The following ROBO2 variants were observed in gnomAD, a reference collection of about 807,000 sequenced individuals.
ROBO2 encodes roundabout guidance receptor 2, also known as roundabout homolog 2.
ROBO2 carries 53 observed loss-of-function variants against 160.8 expected under a neutral mutation model. The observed-to-expected ratio is 0.33, with a 90% CI of 0.26 to 0.41. The LOEUF is 0.41. Ranked by LOEUF, ROBO2 falls within the 10% of genes least tolerant of loss-of-function variation. The pLI is 1.00. For synonymous variants in ROBO2, 664 were observed against 611.7 expected, an observed-to-expected ratio of 1.09 and a Z score of -1.26; for missense variants, 1,577 against 1,722.4, an observed-to-expected ratio of 0.92 and a Z score of 1.49.
At chr3:76,500,989 G>A (rs1288735466) in intron 2 of ROBO2, among the ~76,000 whole-genome samples, 1 of 152,114 alleles carries the variant, frequency 6.6e-6, no homozygotes, top group Non-Finnish European at 1.5e-5. Flanking sequence ...GCTTGACACT[G>A]TAGGGAGGGC....
chr3:77,619,571 G>A (rs556901624), intron 22 of ROBO2, among the ~76,000 whole-genome samples: 179 of 152,272 alleles, frequency 1.2e-3, no homozygotes, highest in African/African-American at 4.0e-3. Flanking sequence ...TTGCCAGCCA[G>A]GGATGGGCAC....
chr3:77,648,845 CAG>C (rs1366542319), exon 26 of ROBO2: 5 of 152,118 alleles, frequency 3.3e-5, no homozygotes, highest in African/African-American at 1.2e-4. Context: ...CTCACTCTTG[CAG>C]GTTTAAATGG....
chr3:77,403,619 T>TGTGTGTGTA (rs1491148217), intron 2 of ROBO2, among the ~76,000 whole-genome samples: 36 of 27,198 alleles, frequency 1.3e-3, no homozygotes, highest in African/African-American at 5.1e-3. Context: ...TGTGTGTGTA[T>TGTGTGTGTA]TTTTTTTTTT....
At chr3:76,000,581 C>T (rs528501286) in intron 2 of ROBO2, among the ~76,000 whole-genome samples, 127 of 149,696 alleles carry the variant, frequency 8.5e-4, no homozygotes, top group Non-Finnish European at 1.6e-3. Flanking sequence ...CTCCGCCTCC[C>T]GGGTTCATGC....
At chr3:76,753,452 A>G (rs1024517704) in intron 2 of ROBO2, among the ~76,000 whole-genome samples, 1 of 151,880 alleles carries the variant, frequency 6.6e-6, no homozygotes, top group Admixed American at 6.6e-5. Context: ...TTTATTTCAA[A>G]CTACAAATAT....
Position 76,483,204 on chromosome 3 carries a change from A to G in ROBO2, c.109+545602A>G, listed in dbSNP as rs2079301441. Among the ~76,000 whole-genome samples, 4 of 152,078 alleles carry G rather than the reference A, an allele frequency of 2.6e-5. No individual in the cohort carries two copies. In the South Asian group the frequency reaches 8.3e-4, roughly 32 times the overall value. On this transcript the variant is annotated intron_variant, in intron 2 of 26. Transcript: ENST00000487694. ...AATTGTTTTTGGAGATATTTTTTCT[A>G]AGAGATATGATACCACTATTTTATT...
chr3:77,356,538 G>T (rs2069157070), intron 2 of ROBO2, among the ~76,000 whole-genome samples: 1 of 152,136 alleles, frequency 6.6e-6, no homozygotes. Flanking sequence ...ACCCATCCCT[G>T]GGTTCATGAC....
chr3:76,346,071 A>G lies in ROBO2; in HGVS notation c.109+408469A>G, dbSNP rs146066469. Among the ~76,000 whole-genome samples the G allele has an allele frequency of 3.7e-3, 559 of 152,232 alleles. 6 individuals carry two copies. The highest frequency in any genetic ancestry group is 0.025 in the Admixed American group (375 of 15,278). Reference sequence around the variant, plus strand: ...GCCAGTTAGCTCCGGCTTTGATCACACAAAAGGGAAAGCACTAAAGATCAG... The same window carrying G: ...GCCAGTTAGCTCCGGCTTTGATCACGCAAAAGGGAAAGCACTAAAGATCAG... On this transcript the variant is annotated intron_variant, in intron 2 of 26. Transcript: ENST00000487694.
At position 76,263,963 on chromosome 3, in the gene ROBO2, A is replaced by G. The variant is rs376279668; in HGVS notation, c.109+326361A>G. Among the ~76,000 whole-genome samples the G allele has an allele frequency of 2.1e-3, 322 of 152,232 alleles. 7 individuals are homozygous for G. In the South Asian group the frequency reaches 0.024, roughly 11 times the overall value. On this transcript the variant is annotated intron_variant, in intron 2 of 26. Transcript: ENST00000487694. ...AAACCATCATTGTCAGCAAACTAAC[A>G]TAGGAACAGAAAACCAAACTCCACA...
intron 6 of ROBO2, among the ~76,000 whole-genome samples, chr3:77,523,903 C>T (rs1442153478): frequency 1.3e-5 from 2 of 151,168 alleles, no homozygotes; most frequent in Non-Finnish European, 3.0e-5. Context: ...CAGCTTTGCT[C>T]CCAAAGAGAT....
intron 2 of ROBO2, among the ~76,000 whole-genome samples, chr3:77,164,643 C>T (rs1401202484): frequency 1.9e-5 from 2 of 105,712 alleles, no homozygotes; most frequent in African/African-American, 3.6e-5. Context: ...CGGCCAGCCG[C>T]CCCGTCCGGG....
At chr3:77,125,604 G>C (rs984885037) in intron 2 of ROBO2, among the ~76,000 whole-genome samples, 1 of 152,096 alleles carries the variant, frequency 6.6e-6, no homozygotes, top group African/African-American at 2.4e-5. Context: ...ATGTCCGCGT[G>C]CCTGATCAAA....
intron 2 of ROBO2, among the ~76,000 whole-genome samples, chr3:75,962,417 G>T (rs1948950500): frequency 6.6e-6 from 1 of 151,806 alleles, no homozygotes; most frequent in Non-Finnish European, 1.5e-5. Flanking sequence ...ATGTGTTCTA[G>T]GTCTGGCTTG....
At chr3:76,170,670 A>T (rs1425040412) in intron 2 of ROBO2, among the ~76,000 whole-genome samples, 1 of 152,204 alleles carries the variant, frequency 6.6e-6, no homozygotes, top group Non-Finnish European at 1.5e-5. Context: ...GAAAAATGAG[A>T]ATAGTAATGG....
chr3:77,636,354 G>A (rs1443788367), intron 24 of ROBO2, among the ~76,000 whole-genome samples: 2 of 152,102 alleles, frequency 1.3e-5, no homozygotes, highest in Non-Finnish European at 1.5e-5. Context: ...AGCACTGTAG[G>A]AGGCTGAGGC....
chr3:76,072,249 C>T lies in ROBO2; in HGVS notation c.109+134647C>T, dbSNP rs191481610. ...CTTTCTTTCCCCCGCAAAAAAAAAT[C>T]TTTGTTGGTTTTTTTTTCCTTGAGG... On this transcript the variant is annotated intron_variant, in intron 2 of 26. Coordinates refer to the ROBO2 transcript ENST00000487694. Among the ~76,000 whole-genome samples, 652 of 148,910 alleles carry T rather than the reference C, an allele frequency of 4.4e-3. 7 individuals are homozygous for T. The highest frequency in any genetic ancestry group is 0.015 in the African/African-American group (621 of 40,404).
intron 2 of ROBO2, among the ~76,000 whole-genome samples, chr3:76,212,843 CCTCTCTCTCT>C (rs113091456): frequency 2.7e-5 from 4 of 149,122 alleles, no homozygotes; most frequent in African/African-American, 7.4e-5. Context: ...ACCCATGGAG[CCTCTCTCTCT>C]CTCTCTCTCT....
chr3:76,213,140 A>T (rs1466667984), intron 2 of ROBO2, among the ~76,000 whole-genome samples: 1 of 152,128 alleles, frequency 6.6e-6, no homozygotes, highest in Non-Finnish European at 1.5e-5. Flanking sequence ...AATTTCAATG[A>T]TACATAACAG....
intron 2 of ROBO2, among the ~76,000 whole-genome samples, chr3:76,889,104 T>C (rs985896844): frequency 6.6e-6 from 1 of 152,192 alleles, no homozygotes; most frequent in African/African-American, 2.4e-5. Flanking sequence ...ATCATAGCTG[T>C]GCTGCCAGGT....
Sources: gnomAD v4.1 joint callset for allele counts (sites outside exome capture counted in the v4.1 genomes callset) on GRCh38, gnomAD v4.1.1 for gene constraint, MANE v1.5 for transcripts, NCBI Gene and HGNC (gene_info 2026-07-23, HGNC 2026-07-21) for gene names.